COL25A1: variants seen among roughly 807,000 people sequenced by gnomAD.
COL25A1 encodes the protein collagen type XXV alpha 1 chain.
COL25A1 carries 103 observed loss-of-function variants against 128.4 expected under a neutral mutation model. The ratio of observed to expected loss-of-function variants is 0.80; its 90% CI spans 0.68 to 0.94. COL25A1 has a LOEUF of 0.94. Ranked by LOEUF, COL25A1 falls within the 40% of genes least tolerant of loss-of-function variation. The probability of loss-of-function intolerance (pLI) is 0.00; values close to 1 mark genes in which losing one functional copy is unlikely to be tolerated. For synonymous variants in COL25A1, 279 were observed against 277.2 expected (o/e 1.01, Z -0.06); for missense variants, 745 against 840.0 (o/e 0.89, Z 1.40).
chr4:108,969,462 A>C (rs1751679262), intron 8 of COL25A1, among the ~76,000 whole-genome samples: 1 of 152,240 alleles, frequency 6.6e-6, no homozygotes, highest in Admixed American at 6.5e-5. Flanking sequence ...CAGTAACACC[A>C]TTTAATTATA....
intron 3 of COL25A1, among the ~76,000 whole-genome samples, chr4:109,165,569 T>C (rs918655763): frequency 7.2e-5 from 11 of 151,992 alleles, no homozygotes; most frequent in African/African-American, 2.4e-4. Context: ...TTTTAAAAGT[T>C]AGCTGTGTGT....
chr4:108,852,917 G>A lies in COL25A1; in HGVS notation c.1329C>T (p.Thr443=). ...GNLHEALQRI[T]TLTVTGPPGP... is the part of the protein sequence containing the mutation. Reference sequence around the variant, plus strand: ...TAGGAGTTACCGTGACAGTTAAGGTGGTAATCCTCTGTTGGGAAAATGTGT... The same window carrying A: ...TAGGAGTTACCGTGACAGTTAAGGTAGTAATCCTCTGTTGGGAAAATGTGT... The change falls in exon 25 of 38, where the codon ACC becomes ACT. Residue 443 remains threonine (T), a synonymous_variant. Transcript: ENST00000399132. 2 of 1,610,840 alleles carry A rather than the reference G, an allele frequency of 1.2e-6. No individual in the cohort carries two copies. The highest frequency in any genetic ancestry group is 1.7e-6 in the Non-Finnish European group (2 of 1,178,446).
intron 3 of COL25A1, among the ~76,000 whole-genome samples, chr4:109,213,821 C>T (rs1451362933): frequency 6.6e-6 from 1 of 152,116 alleles, no homozygotes; most frequent in Non-Finnish European, 1.5e-5. Context: ...TGCCTTTCTC[C>T]AGTAAAGTAA....
intron 3 of COL25A1, among the ~76,000 whole-genome samples, chr4:109,181,554 C>A (rs572106370): frequency 5.5e-4 from 83 of 151,716 alleles, no homozygotes; most frequent in Non-Finnish European, 1.9e-4. Flanking sequence ...AACAATATAC[C>A]GTATTAGTTT....
intron 8 of COL25A1, among the ~76,000 whole-genome samples, chr4:108,963,868 G>A (rs1365069557): frequency 1.3e-5 from 2 of 151,360 alleles, no homozygotes; most frequent in Non-Finnish European, 3.0e-5. Context: ...CAAGAAAAAT[G>A]TGAAATAGTG....
intron 3 of COL25A1, among the ~76,000 whole-genome samples, chr4:109,073,915 T>A (rs1264889856): frequency 6.6e-6 from 1 of 152,164 alleles, no homozygotes; most frequent in Non-Finnish European, 1.5e-5. Flanking sequence ...AAAAACAATG[T>A]CCTTTTGCCC....
intron 8 of COL25A1, among the ~76,000 whole-genome samples, chr4:108,973,048 T>C (rs532981895): frequency 6.6e-4 from 100 of 152,290 alleles, no homozygotes; most frequent in Admixed American, 2.7e-3. Context: ...TTTCTCAGAA[T>C]GGAAACAGTT....
At chr4:109,054,785 C>A (rs564561570) in intron 3 of COL25A1, among the ~76,000 whole-genome samples, 1 of 152,110 alleles carries the variant, frequency 6.6e-6, no homozygotes, top group Non-Finnish European at 1.5e-5. Context: ...AGAGTGAGGA[C>A]GAAGCTGTTT....
At chr4:108,824,053 T>C (rs1732080889) in intron 35 of COL25A1, 121 bp downstream of exon 35, 6 of 1,612,650 alleles carry the variant, frequency 3.7e-6, no homozygotes, top group Non-Finnish European at 5.1e-6. Flanking sequence ...CAGGCATCAG[T>C]ATGTTTTTGG....
chr4:109,121,260 A>G (rs79363979), intron 3 of COL25A1, among the ~76,000 whole-genome samples: 5 of 152,112 alleles, frequency 3.3e-5, no homozygotes, highest in Admixed American at 6.6e-5. Context: ...ATAAAACCCC[A>G]AAGTGACAAA....
intron 3 of COL25A1, among the ~76,000 whole-genome samples, chr4:109,281,972 C>T (rs1336633651): frequency 6.6e-6 from 1 of 152,144 alleles, no homozygotes; most frequent in Non-Finnish European, 1.5e-5. Context: ...TTCTAAGTCA[C>T]AGTCGAATGT....
intron 13 of COL25A1, among the ~76,000 whole-genome samples, chr4:108,913,157 T>G (rs1328447268): frequency 6.6e-6 from 1 of 151,744 alleles, no homozygotes; most frequent in African/African-American, 2.4e-5. Flanking sequence ...AATTTCATTT[T>G]AATCCTGAAA....
At chr4:109,243,586 GA>G (rs1780051171) in intron 3 of COL25A1, among the ~76,000 whole-genome samples, 1 of 152,020 alleles carries the variant, frequency 6.6e-6, no homozygotes. Context: ...GAAGACTGAT[GA>G]GTGATTTAAA....
chr4:109,005,378 T>G (rs1352860606), intron 6 of COL25A1, among the ~76,000 whole-genome samples: 1 of 152,152 alleles, frequency 6.6e-6, no homozygotes, highest in Non-Finnish European at 1.5e-5. Flanking sequence ...ACATTGGGAA[T>G]TACAATTCAC....
chr4:108,973,240 T>C (rs1054904791), intron 8 of COL25A1, among the ~76,000 whole-genome samples: 3 of 152,212 alleles, frequency 2.0e-5, no homozygotes, highest in Admixed American at 1.3e-4. Context: ...GTGGATAACG[T>C]GGTGTTTAAT....
At chr4:109,251,376 G>A (rs1578551245) in intron 3 of COL25A1, among the ~76,000 whole-genome samples, 1 of 152,098 alleles carries the variant, frequency 6.6e-6, no homozygotes, top group Non-Finnish European at 1.5e-5. Context: ...AAGGATCTAG[G>A]CTGTTAGCAG....
intron 8 of COL25A1, among the ~76,000 whole-genome samples, chr4:108,945,139 A>C (rs77968563): frequency 0.044 from 6,677 of 152,266 alleles, 373 homozygotes; most frequent in African/African-American, 0.13. Flanking sequence ...CCTAAAAAGT[A>C]TATTTAATTA....
chr4:108,954,176 G>C (rs563730645), intron 8 of COL25A1, among the ~76,000 whole-genome samples: 3 of 152,242 alleles, frequency 2.0e-5, no homozygotes, highest in African/African-American at 7.2e-5. Flanking sequence ...TAATCTACAT[G>C]AGAATTATGG....
chr4:108,972,710 G>C (rs1272221210), intron 8 of COL25A1, among the ~76,000 whole-genome samples: 1 of 152,118 alleles, frequency 6.6e-6, no homozygotes, highest in East Asian at 1.9e-4. Context: ...TGCTAAATGG[G>C]CTCTGAATTG....
Sources: gnomAD v4.1 joint callset for allele counts (sites outside exome capture counted in the v4.1 genomes callset) on GRCh38, gnomAD v4.1.1 for gene constraint, MANE v1.5 for transcripts, NCBI Gene and HGNC (gene_info 2026-07-23, HGNC 2026-07-21) for gene names.